Variants in SCHIP1 observed in about 807,000 individuals in gnomAD.
SCHIP1 encodes the protein schwannomin interacting protein 1.
SCHIP1 carries 8 observed loss-of-function variants against 29.7 expected under a neutral mutation model. That is an observed-to-expected ratio of 0.27 (90% CI 0.16 to 0.49). The LOEUF (loss-of-function observed/expected upper bound fraction) is 0.49. Ranked by LOEUF, SCHIP1 falls within the 20% of genes least tolerant of loss-of-function variation. The pLI, the probability that SCHIP1 is intolerant of heterozygous loss-of-function variation, is 0.99. For missense variants in SCHIP1, 193 were observed against 294.6 expected (o/e 0.66, Z 2.52); for synonymous variants, 76 against 94.9 (o/e 0.80, Z 1.16).
At chr3:159,737,415 G>A in the SCHIP1 span, among the ~76,000 whole-genome samples, 3 of 152,062 alleles carry the variant, frequency 2.0e-5, no homozygotes, top group East Asian at 5.8e-4. Context: ...GGTGGTCTGG[G>A]GCTACACTTC....
At chr3:159,565,871 C>T in the SCHIP1 span, among the ~76,000 whole-genome samples, 5 of 152,150 alleles carry the variant, frequency 3.3e-5, no homozygotes, top group Non-Finnish European at 7.3e-5. Context: ...TCTTCACATG[C>T]CTCATATAAT....
the SCHIP1 span, among the ~76,000 whole-genome samples, chr3:159,755,465 A>G: frequency 6.6e-6 from 1 of 152,196 alleles, no homozygotes; most frequent in Non-Finnish European, 1.5e-5. Flanking sequence ...CCATGATTCA[A>G]TCACCTCCCA....
At chr3:159,455,300 C>A in the SCHIP1 span, among the ~76,000 whole-genome samples, 2 of 152,208 alleles carry the variant, frequency 1.3e-5, no homozygotes, top group African/African-American at 4.8e-5. Flanking sequence ...GAATGTTAGG[C>A]CAGAAGTGAG....
At chr3:159,794,386 T>C in the SCHIP1 span, among the ~76,000 whole-genome samples, 2 of 152,238 alleles carry the variant, frequency 1.3e-5, no homozygotes, top group African/African-American at 4.8e-5. Context: ...CAGAAGTGGA[T>C]TGCATAACAG....
chr3:159,588,762 A>G, the SCHIP1 span, among the ~76,000 whole-genome samples: 2 of 152,172 alleles, frequency 1.3e-5, no homozygotes, highest in Non-Finnish European at 2.9e-5. Flanking sequence ...TTTGTCAAAG[A>G]TCATATAGTT....
chr3:159,548,546 T>C, the SCHIP1 span, among the ~76,000 whole-genome samples: 11 of 152,092 alleles, frequency 7.2e-5, no homozygotes, highest in East Asian at 1.9e-3. Context: ...ATGATATATA[T>C]CTTAACCTTT....
intron 1 of SCHIP1, among the ~76,000 whole-genome samples, chr3:159,860,054 C>G (rs559936860): frequency 6.6e-6 from 1 of 151,904 alleles, no homozygotes; most frequent in African/African-American, 2.4e-5. Flanking sequence ...CATGCTCCTC[C>G]CTGGTCTCCA....
the SCHIP1 span, among the ~76,000 whole-genome samples, chr3:159,364,160 A>G: frequency 6.6e-6 from 1 of 152,174 alleles, no homozygotes; most frequent in African/African-American, 2.4e-5. Flanking sequence ...GACTTTGACT[A>G]CTTTCAGCTT....
the SCHIP1 span, among the ~76,000 whole-genome samples, chr3:159,315,222 G>A: frequency 1.3e-4 from 17 of 131,438 alleles, no homozygotes; most frequent in Non-Finnish European, 1.7e-4. Flanking sequence ...TTTTTGAGAT[G>A]GAGTCTCACT....
the SCHIP1 span, among the ~76,000 whole-genome samples, chr3:159,365,567 T>C: frequency 6.6e-6 from 1 of 152,208 alleles, no homozygotes; most frequent in African/African-American, 2.4e-5. Context: ...TCTAGAACAG[T>C]GCCTGGCATG....
At chr3:159,751,946 G>T in the SCHIP1 span, among the ~76,000 whole-genome samples, 1 of 152,102 alleles carries the variant, frequency 6.6e-6, no homozygotes, top group African/African-American at 2.4e-5. Flanking sequence ...TACTTCATGC[G>T]TGGTTTAGCA....
the SCHIP1 span, among the ~76,000 whole-genome samples, chr3:159,511,137 CTTTG>C: frequency 5.9e-5 from 9 of 152,354 alleles, no homozygotes; most frequent in East Asian, 1.7e-3. Flanking sequence ...TTCCCTGCTG[CTTTG>C]TTTACCTACT....
chr3:159,373,609 T>C, the SCHIP1 span, among the ~76,000 whole-genome samples: 1 of 152,104 alleles, frequency 6.6e-6, no homozygotes, highest in African/African-American at 2.4e-5. Context: ...TTCTACTCTC[T>C]GCTTCTTTGG....
chr3:159,291,599 T>C, the SCHIP1 span, among the ~76,000 whole-genome samples: 88 of 152,252 alleles, frequency 5.8e-4, 1 homozygote, highest in South Asian at 0.011. Context: ...ATGCATCAGA[T>C]TGTCATCACT....
At chr3:159,517,948 T>TG in the SCHIP1 span, among the ~76,000 whole-genome samples, 1 of 152,104 alleles carries the variant, frequency 6.6e-6, no homozygotes, top group Non-Finnish European at 1.5e-5. Flanking sequence ...AAATATTCAA[T>TG]GGGGTATTAT....
intron 2 of SCHIP1, among the ~76,000 whole-genome samples, chr3:159,880,120 A>G (rs147914309): frequency 3.5e-4 from 53 of 152,326 alleles, no homozygotes; most frequent in African/African-American, 1.2e-3. Flanking sequence ...AGGAAGCCGA[A>G]CACCTGAGTC....
chr3:159,798,421 T>C, the SCHIP1 span, among the ~76,000 whole-genome samples: 18 of 152,308 alleles, frequency 1.2e-4, no homozygotes, highest in African/African-American at 4.3e-4. Context: ...TATTTTTCCT[T>C]ATCTTTTTCT....
the SCHIP1 span, among the ~76,000 whole-genome samples, chr3:159,475,662 C>T: frequency 1.3e-5 from 2 of 152,236 alleles, no homozygotes; most frequent in South Asian, 4.1e-4. Context: ...AAACATAGAG[C>T]TCCCCTCTTA....
the SCHIP1 span, among the ~76,000 whole-genome samples, chr3:159,549,460 A>C: frequency 6.6e-6 from 1 of 152,286 alleles, no homozygotes; most frequent in African/African-American, 2.4e-5. Context: ...TGAGTTCATA[A>C]GGGTGAGGCC....
Sources: allele counts gnomAD v4.1 joint callset (sites outside exome capture counted in the v4.1 genomes callset), GRCh38; gene constraint gnomAD v4.1.1; transcripts MANE v1.5; gene names NCBI Gene and HGNC (gene_info 2026-07-23, HGNC 2026-07-21).